The following RASGRP3 variants were observed in gnomAD, a reference collection of about 807,000 sequenced individuals.
RASGRP3 encodes the protein RAS guanyl releasing protein 3.
A neutral mutation model predicts 82.7 loss-of-function variants in RASGRP3; 54 were observed. The observed-to-expected ratio is 0.65, with a 90% CI of 0.52 to 0.82. The LOEUF is 0.82. Ranked by LOEUF, RASGRP3 falls within the 40% of genes least tolerant of loss-of-function variation. RASGRP3 has a pLI of 0.00. For missense variants in RASGRP3, 861 were observed against 828.9 expected (o/e 1.04, Z -0.48); for synonymous variants, 309 against 300.5 (o/e 1.03, Z -0.29).
chr2:33,520,150 T>C, intron 5 of RASGRP3, 136 bp downstream of exon 5: 1 of 704,106 alleles, frequency 1.4e-6, no homozygotes, highest in Middle Eastern at 2.4e-4. Context: ...TTGTTAAAAT[T>C]GGCTCTCCTC....
intron 7 of RASGRP3, among the ~76,000 whole-genome samples, chr2:33,523,427 T>C (rs1165179510): frequency 2.5e-4 from 37 of 150,176 alleles, no homozygotes; most frequent in Non-Finnish European, 7.4e-5. Flanking sequence ...ATCGCGCCAC[T>C]GCACTCCAGC....
chr2:33,444,953 A>T (rs625318), intron 1 of RASGRP3, among the ~76,000 whole-genome samples: 2,779 of 152,352 alleles, frequency 0.018, 97 homozygotes, highest in African/African-American at 0.064. Context: ...TATGCTCCTA[A>T]TAGTGCCTAC....
Position 33,524,429 on chromosome 2 carries a change from C to T in RASGRP3, c.691-3C>T. 6.4e-7 allele frequency: 1 copy of T among 1,562,286 alleles called. No individual in the cohort carries two copies. Among genetic ancestry groups the T allele is most frequent in the South Asian group, 1.2e-5 (1 of 83,124 alleles). On this transcript the variant is annotated splice_polypyrimidine_tract_variant and splice_region_variant and intron_variant, in intron 8 of 17. Coordinates refer to ENST00000403687, the MANE Select transcript of RASGRP3 (RefSeq NM_001139488.2). ...AAAAAGCATTGATGCATTTTTATTG[C>T]AGAAGCTCCTTCAGCTCAAAAATTT...
chr2:33,546,354 C>T (rs1349595974), intron 13 of RASGRP3, among the ~76,000 whole-genome samples: 13 of 150,330 alleles, frequency 8.6e-5, no homozygotes, highest in African/African-American at 2.7e-4. Context: ...ACCCGCGAGG[C>T]GGAGCTTGCA....
At position 33,516,598 on chromosome 2, in the gene RASGRP3, C is replaced by T. The variant is rs765835018; in HGVS notation, c.127C>T (p.Arg43Ter). 30 of 1,593,992 alleles carry T rather than the reference C, an allele frequency of 1.9e-5. No homozygotes were observed. Among genetic ancestry groups the T allele is most frequent in the Non-Finnish European group, 2.5e-5 (29 of 1,166,180 alleles). The change falls in exon 4 of 18, where the codon CGA becomes TGA. Residue 43 changes from arginine (R) to a stop codon, truncating the protein, a stop_gained. Transcript: ENST00000403687. LOFTEE classifies it high-confidence loss of function. ...GCCAAGAATAGTTCTACTGATGCAC[C>T]GATGGTATTTATCTTCCACTGAATT... ...YLPRIVLLMHRWYLSSTELAE... is the reference protein window; with the variant it reads ...YLPRIVLLMH
intron 4 of RASGRP3, among the ~76,000 whole-genome samples, chr2:33,517,182 AC>A (rs1227467291): frequency 6.6e-6 from 1 of 152,228 alleles, no homozygotes; most frequent in East Asian, 1.9e-4. Flanking sequence ...TGAAATGAAA[AC>A]AAAAAAATCC....
intron 2 of RASGRP3, among the ~76,000 whole-genome samples, chr2:33,450,820 T>A (rs1190175766): frequency 1.3e-5 from 1 of 79,752 alleles, no homozygotes; most frequent in Admixed American, 1.5e-4. Context: ...CTTTCTTTCT[T>A]TCTTTTTTTT....
At chr2:33,544,364 G>T (rs1475085585) in intron 13 of RASGRP3, among the ~76,000 whole-genome samples, 1 of 152,060 alleles carries the variant, frequency 6.6e-6, no homozygotes, top group African/African-American at 2.4e-5. Context: ...GATAGCTGCA[G>T]ACAGCCAAGA....
chr2:33,477,047 C>G (rs1426349564), intron 1 of RASGRP3, among the ~76,000 whole-genome samples: 1 of 114,386 alleles, frequency 8.7e-6, no homozygotes, highest in Non-Finnish European at 2.1e-5. Context: ...GGTTCAAAGT[C>G]AAGTTCAGGT....
intron 2 of RASGRP3, among the ~76,000 whole-genome samples, chr2:33,453,457 A>C (rs185338321): frequency 5.9e-5 from 9 of 152,302 alleles, no homozygotes; most frequent in South Asian, 4.1e-4. Context: ...GCTCACTTAT[A>C]TGGCTGGCAT....
intron 11 of RASGRP3, 54 bp from the exon 12 acceptor site, chr2:33,539,040 A>AAAT (rs983510545): frequency 1.2e-5 from 15 of 1,275,898 alleles, no homozygotes; most frequent in Non-Finnish European, 1.6e-5. Context: ...CCCTGTCTCA[A>AAAT]AATAATAATA....
rs1676646163 is a variant in RASGRP3 at position 33,561,466 on chromosome 2, C to T, written c.2065-1263C>T. Among the ~76,000 whole-genome samples the T allele has an allele frequency of 2.0e-5, 3 of 152,062 alleles. No homozygotes were observed. In the South Asian group the frequency reaches 6.2e-4, roughly 32 times the overall value. ...AGGACGTATGCTCTTATATGAAATGCATATATATGGTATACAGTTCCAGTA... is the reference window on the plus strand; with the variant it reads ...AGGACGTATGCTCTTATATGAAATGTATATATATGGTATACAGTTCCAGTA... On this transcript the variant is annotated intron_variant, in intron 17 of 17. Coordinates refer to ENST00000403687, the MANE Select transcript of RASGRP3 (RefSeq NM_001139488.2).
At chr2:33,451,464 T>C (rs978557995) in intron 2 of RASGRP3, among the ~76,000 whole-genome samples, 2 of 152,232 alleles carry the variant, frequency 1.3e-5, no homozygotes, top group African/African-American at 4.8e-5. Context: ...TTTGGAGTCA[T>C]ATCTAAGAAA....
At chr2:33,442,225 G>A (rs1012829563) in intron 1 of RASGRP3, among the ~76,000 whole-genome samples, 2 of 152,188 alleles carry the variant, frequency 1.3e-5, no homozygotes, top group East Asian at 1.9e-4. Context: ...TTAGCCAGGC[G>A]TGATGGCATG....
chr2:33,535,923 A>T lies in RASGRP3; in HGVS notation c.1161+1523A>T, dbSNP rs1673558864. 2.6e-5 allele frequency among the ~76,000 whole-genome samples: 4 copies of T among 152,142 alleles called. No individual in the cohort carries two copies. In the South Asian group the frequency reaches 8.3e-4, roughly 32 times the overall value. On this transcript the variant is annotated intron_variant, in intron 11 of 17. Coordinates refer to ENST00000403687, the MANE Select transcript of RASGRP3 (RefSeq NM_001139488.2). ...GTGCATACAGAATTTCCACCTCTTG[A>T]CACCAATTAGGCACCAGAATCGCTT... is the stretch of plus-strand genomic sequence containing the variant.
At chr2:33,483,606 A>T (rs1401535736) in intron 1 of RASGRP3, among the ~76,000 whole-genome samples, 5 of 149,582 alleles carry the variant, frequency 3.3e-5, no homozygotes, top group Admixed American at 2.0e-4. Context: ...CTCCTGCCTC[A>T]GCCTCCTGAG....
chr2:33,484,921 G>A lies in RASGRP3; in HGVS notation c.-261+8214G>A, dbSNP rs369699159. On this transcript the variant is annotated intron_variant, in intron 1 of 17. Coordinates refer to ENST00000403687, the MANE Select transcript of RASGRP3 (RefSeq NM_001139488.2). ...TGTGTTAAAACTGATGCCCTTGGCC[G>A]GGTGCAGTGGCTCACACCTGTAATC... 1.8e-4 allele frequency among the ~76,000 whole-genome samples: 28 copies of A among 152,208 alleles called. 1 individual carries two copies. In the East Asian group the frequency reaches 3.3e-3, roughly 18 times the overall value.
intron 1 of RASGRP3, among the ~76,000 whole-genome samples, chr2:33,441,977 T>C (rs991461274): frequency 4.1e-4 from 62 of 152,176 alleles, no homozygotes; most frequent in African/African-American, 1.4e-3. Flanking sequence ...CATTATAATA[T>C]TTAATGACAT....
chr2:33,546,699 T>A (rs550180330), intron 13 of RASGRP3, among the ~76,000 whole-genome samples: 2 of 152,258 alleles, frequency 1.3e-5, no homozygotes, highest in South Asian at 4.1e-4. Context: ...GTAATCAACC[T>A]AAATGCCCAT....
Sources: allele counts gnomAD v4.1 joint callset (sites outside exome capture counted in the v4.1 genomes callset), GRCh38; gene constraint gnomAD v4.1.1; transcripts MANE v1.5; gene names NCBI Gene and HGNC (gene_info 2026-07-23, HGNC 2026-07-21).